Variants in AXIN1 observed in about 807,000 individuals in gnomAD.
AXIN1 encodes axin-1.
In AXIN1, 30 loss-of-function variants were observed where a neutral mutation model predicts 76.4. The observed-to-expected ratio is 0.39, with a 90% confidence interval of 0.29 to 0.53. AXIN1 has a LOEUF of 0.53. Ranked by LOEUF, AXIN1 falls within the 20% of genes least tolerant of loss-of-function variation. AXIN1 has a pLI of 0.66. For synonymous variants in AXIN1, 545 were observed against 501.4 expected, an observed-to-expected ratio of 1.09 and a Z score of -1.16; for missense variants, 1,140 against 1,198.8, an observed-to-expected ratio of 0.95 and a Z score of 0.72.
intron 5 of AXIN1, among the ~76,000 whole-genome samples, chr16:301,353 G>C (rs1567269262): frequency 6.6e-6 from 1 of 151,788 alleles, no homozygotes; most frequent in African/African-American, 2.4e-5. Context: ...CCTGGGCCCT[G>C]GTGGTGCTGG....
intron 8 of AXIN1, chr16:291,898 T>G: frequency 6.2e-6 from 1 of 161,982 alleles, no homozygotes; most frequent in Non-Finnish European, 1.4e-5. Context: ...CTCCACAGCT[T>G]CTCGCAAAAA....
rs201679902 is a variant in AXIN1, at chr16:293,980, T to G, written c.1956-262A>C. The stretch of plus-strand genomic sequence containing the variant: ...ATCACCAGAGGTCGGGAGTTCGAGA[T>G]CAACCTAACATGGTGAAACCTCATC... On this transcript the variant is annotated intron_variant, in intron 7 of 10. Transcript: ENST00000262320. The surrounding 1 kb of genome is among the most constrained non-coding windows in gnomAD (Gnocchi z 4.6). Among the ~76,000 whole-genome samples, 19,084 of 151,690 alleles carry G rather than the reference T, an allele frequency of 0.13. 1,409 individuals carry two copies. Among genetic ancestry groups the G allele is most frequent in the South Asian group, 0.21 (1,014 of 4,794 alleles).
At chr16:341,848 A>G (rs1028290789) in intron 2 of AXIN1, among the ~76,000 whole-genome samples, 3 of 152,228 alleles carry the variant, frequency 2.0e-5, no homozygotes, top group African/African-American at 4.8e-5. Context: ...GAATGCACCA[A>G]TCGACACTCT....
chr16:289,660 GGTCCCTCCTGCTGGCCTCAGGCTGCCAGT>G, intron 9 of AXIN1, 53 bp from the exon 10 acceptor site: 1 of 1,604,240 alleles, frequency 6.2e-7, no homozygotes, highest in Non-Finnish European at 8.5e-7. Context: ...GGTCCCACAG[GGTCCCTCCTGCTGGCCTCAGGCTGCCAGT>G]GTAAGGCGGG....
chr16:292,578 G>A (rs1007236024), intron 8 of AXIN1: 6 of 152,246 alleles, frequency 3.9e-5, no homozygotes, highest in African/African-American at 1.4e-4. Context: ...ACCCAAGGTG[G>A]ACAGGAGGAG....
intron 7 of AXIN1, among the ~76,000 whole-genome samples, chr16:295,828 G>T (rs572723322): frequency 6.6e-6 from 1 of 151,826 alleles, no homozygotes; most frequent in Non-Finnish European, 1.5e-5. Flanking sequence ...TCAGCCGGGC[G>T]TGGTGGCTCA....
intron 7 of AXIN1, among the ~76,000 whole-genome samples, chr16:296,718 TCCC>T: frequency 6.6e-6 from 1 of 152,168 alleles, no homozygotes; most frequent in African/African-American, 2.4e-5. Flanking sequence ...GTGGGGGCCT[TCCC>T]AGGTGACTTA....
rs575631988 is a variant in AXIN1 at position 348,164 on chromosome 16, T to C, written c.-81-1058A>G. Among the ~76,000 whole-genome samples, 321 of 152,322 alleles carry C rather than the reference T, an allele frequency of 2.1e-3. 1 individual carries two copies. Among genetic ancestry groups the C allele is most frequent in the Non-Finnish European group, 2.7e-3 (183 of 68,024 alleles). On this transcript the variant is annotated intron_variant, in intron 1 of 10. Transcript: ENST00000262320. ...GAACCCCTGCCATGGTCTATGGTCC[T>C]TCCTGCCACGTCCTACAGGAGCCCA...
At chr16:318,972 C>A (rs11248928) in intron 2 of AXIN1, among the ~76,000 whole-genome samples, 3 of 109,676 alleles carry the variant, frequency 2.7e-5, no homozygotes, top group Non-Finnish European at 5.6e-5. Flanking sequence ...TTGGTGAGAG[C>A]GGCTCTGGCT....
At chr16:325,862 T>C (rs1472751488) in intron 2 of AXIN1, among the ~76,000 whole-genome samples, 1 of 151,966 alleles carries the variant, frequency 6.6e-6, no homozygotes, top group South Asian at 2.1e-4. Flanking sequence ...TTTCCTCACC[T>C]CACATGAACT....
At chr16:351,688 C>A (rs1194140173) in intron 1 of AXIN1, among the ~76,000 whole-genome samples, 1 of 152,088 alleles carries the variant, frequency 6.6e-6, no homozygotes, top group East Asian at 1.9e-4. Context: ...AGGTGGATCG[C>A]TTGAGGCCAA....
chr16:293,656 G>A lies in AXIN1; in HGVS notation c.2018C>T (p.Pro673Leu), dbSNP rs2052630589. The A allele has an allele frequency of 1.9e-6, 3 of 1,613,624 alleles. No homozygotes were observed. Among genetic ancestry groups the A allele is most frequent in the Non-Finnish European group, 2.5e-6 (3 of 1,180,010 alleles). The change falls in exon 8 of 11, where the codon CCC becomes CTC. Residue 673 changes from proline (P) to leucine (L), a missense_variant. Transcript: ENST00000262320. The surrounding 1 kb of genome is among the most constrained non-coding windows in gnomAD (Gnocchi z 4.6). ...GGTCCGGAGCTGAGGGCCGGCCCAG[G>A]GGTGCTCAAGGGACAAGGGTCTGGA... ...ENSRPLSLEHPWAGPQLRTSV... is the reference protein window; with the variant it reads ...ENSRPLSLEHLWAGPQLRTSV...
At chr16:346,016 A>C (rs961633484) in intron 2 of AXIN1, 132 bp downstream of exon 2, 111 of 850,796 alleles carry the variant, frequency 1.3e-4, no homozygotes, top group Non-Finnish European at 2.0e-4. Flanking sequence ...TAAGAACAGA[A>C]CCAAAATTCA....
chr16:327,607 G>T (rs150030054), intron 2 of AXIN1, among the ~76,000 whole-genome samples: 3 of 152,224 alleles, frequency 2.0e-5, no homozygotes, highest in Non-Finnish European at 4.4e-5. Context: ...GTCCACAGGC[G>T]CAGCACAGGC....
chr16:295,966 C>CA (rs10712010), intron 7 of AXIN1, among the ~76,000 whole-genome samples: 12 of 151,256 alleles, frequency 7.9e-5, no homozygotes, highest in South Asian at 2.1e-4. Flanking sequence ...GACTCCGTCT[C>CA]AAAAAAAAAG....
rs1274698222 is a variant in AXIN1, at chr16:296,929, CA to C, written c.1955+126del. ...GGTGCCCGGGAGGGTGCCACAGTGA[CA>C]GGGGAAGTGTGAGGCGTCACAGGCG... On this transcript the variant is annotated intron_variant, in intron 7 of 10. Transcript: ENST00000262320. 4 of 1,197,828 alleles carry C rather than the reference CA, an allele frequency of 3.3e-6. No homozygotes were observed. The East Asian group carries it at 7.0e-5, about 21-fold the overall frequency. 74.2% of individuals were successfully genotyped at this position (1,197,828 alleles called of 1,614,324 possible). A position where few individuals can be genotyped will look rare whatever the true frequency, so the allele number is the denominator to read the frequency against.
intron 2 of AXIN1, among the ~76,000 whole-genome samples, chr16:328,032 A>G (rs1162277876): frequency 6.6e-6 from 1 of 152,082 alleles, no homozygotes; most frequent in Non-Finnish European, 1.5e-5. Context: ...AATGCCTTAA[A>G]GCCAAGAGTT....
rs1555471905 is a variant in AXIN1, at chr16:288,446, T to TTG, written c.2463-199_2463-198insCA. On this transcript the variant is annotated intron_variant, in intron 10 of 10. Coordinates refer to ENST00000262320, the MANE Select transcript of AXIN1 (RefSeq NM_003502.4). ...CACATGTGGGTGAAGTGGGCAGCCA[T>TTG]GGGGGGTGAGTTCACTGCCTGCTGG... 5.5e-5 allele frequency: 43 copies of TTG among 778,366 alleles called. 1 individual carries two copies. The highest frequency in any genetic ancestry group is 8.0e-5 in the Non-Finnish European group (38 of 477,976). The allele number at this position is 778,366 out of a possible 1,614,324, so 48.2% of individuals were successfully genotyped here.
intron 2 of AXIN1, among the ~76,000 whole-genome samples, chr16:338,219 CTG>C (rs1363505178): frequency 2.6e-5 from 4 of 152,236 alleles, no homozygotes; most frequent in African/African-American, 9.6e-5. Flanking sequence ...CAATTCAAAT[CTG>C]TGACACTGGC....
Sources: gnomAD v4.1 joint callset for allele counts (sites outside exome capture counted in the v4.1 genomes callset) on GRCh38, gnomAD v4.1.1 for gene constraint, Gnocchi (gnomAD v3.1) non-coding constraint, MANE v1.5 for transcripts, NCBI Gene and HGNC (gene_info 2026-07-23, HGNC 2026-07-21) for gene names.